Variants in PSD3 observed in about 807,000 individuals in gnomAD.
The protein encoded by PSD3 is PH and SEC7 domain-containing protein 3.
In PSD3, 49 loss-of-function variants were observed where a neutral mutation model predicts 105.5. That is an observed-to-expected ratio of 0.46 (90% CI 0.37 to 0.59). The LOEUF is 0.59. PSD3 is among the 20% of genes least tolerant of loss of function. PSD3 has a pLI of 0.00. For missense variants in PSD3, 1,561 were observed against 1,263.8 expected (o/e 1.24, Z -3.57); for synonymous variants, 557 against 457.8 (o/e 1.22, Z -2.77).
chr8:18,561,783 T>C (rs1801409574), intron 14 of PSD3, among the ~76,000 whole-genome samples: 1 of 152,148 alleles, frequency 6.6e-6, no homozygotes, highest in Admixed American at 6.6e-5. Flanking sequence ...AGCTCTAATG[T>C]CATCTCTATG....
intron 1 of PSD3, among the ~76,000 whole-genome samples, chr8:18,990,757 T>C (rs1457308010): frequency 6.6e-6 from 1 of 152,230 alleles, no homozygotes; most frequent in East Asian, 1.9e-4. Context: ...TATGAATACC[T>C]TCTCCAGAGG....
chr8:18,663,224 C>T (rs1007332303), intron 9 of PSD3, among the ~76,000 whole-genome samples: 13 of 152,126 alleles, frequency 8.5e-5, no homozygotes, highest in Non-Finnish European at 1.0e-4. Flanking sequence ...CCCAGGAGTT[C>T]GAAACCAGCC....
chr8:18,776,245 G>GCTCT (rs762919210), intron 8 of PSD3, among the ~76,000 whole-genome samples: 1 of 142,376 alleles, frequency 7.0e-6, no homozygotes, highest in Non-Finnish European at 1.5e-5. Flanking sequence ...GGTTACCATG[G>GCTCT]CTCTCTCTCT....
chr8:18,617,767 C>T (rs779815343), intron 11 of PSD3, among the ~76,000 whole-genome samples: 9 of 152,024 alleles, frequency 5.9e-5, no homozygotes, highest in Admixed American at 3.9e-4. Flanking sequence ...ATGGAGATCC[C>T]GACACTGACA....
intron 1 of PSD3, chr8:18,940,442 C>G (rs1822460322): frequency 6.6e-6 from 1 of 152,230 alleles, no homozygotes; most frequent in African/African-American, 2.4e-5. Flanking sequence ...AAAGTACGCT[C>G]AGACTATCAC....
chr8:18,881,547 G>A (rs1367731786), intron 2 of PSD3, among the ~76,000 whole-genome samples: 1 of 152,150 alleles, frequency 6.6e-6, no homozygotes, highest in Non-Finnish European at 1.5e-5. Flanking sequence ...CTCGGTCACT[G>A]TAAGCTGAAA....
chr8:18,644,351 C>T (rs1406105996), intron 10 of PSD3, among the ~76,000 whole-genome samples: 2 of 152,236 alleles, frequency 1.3e-5, no homozygotes, highest in African/African-American at 4.8e-5. Flanking sequence ...GCTCCATCAA[C>T]ATTTTGCTTT....
chr8:19,005,739 T>C (rs59211596), intron 1 of PSD3, among the ~76,000 whole-genome samples: 3,405 of 152,062 alleles, frequency 0.022, 140 homozygotes, highest in African/African-American at 0.078. Context: ...TCCTCCTACC[T>C]TGGCTTCCCA....
chr8:18,752,600 T>TTA (rs1563225733), intron 9 of PSD3, among the ~76,000 whole-genome samples: 2 of 82,852 alleles, frequency 2.4e-5, no homozygotes, highest in South Asian at 5.8e-4. Flanking sequence ...ATATTATATA[T>TTA]TATATATAAT....
intron 4 of PSD3, chr8:18,854,045 T>C (rs757914061): frequency 4.6e-5 from 7 of 151,930 alleles, no homozygotes; most frequent in Non-Finnish European, 8.8e-5. Context: ...CAATTATACA[T>C]AATCCAGCAC....
intron 10 of PSD3, among the ~76,000 whole-genome samples, chr8:18,645,353 T>C (rs1807953342): frequency 1.3e-5 from 2 of 152,350 alleles, no homozygotes; most frequent in South Asian, 4.1e-4. Flanking sequence ...TACTTTACTG[T>C]AGAAAACTCT....
At chr8:18,882,152 G>A (rs981188213) in intron 2 of PSD3, among the ~76,000 whole-genome samples, 2 of 152,218 alleles carry the variant, frequency 1.3e-5, no homozygotes, top group Non-Finnish European at 2.9e-5. Context: ...AGGCTGCAGT[G>A]AACTGTGATT....
chr8:19,070,112 A>C (rs901820203), intron 1 of PSD3, among the ~76,000 whole-genome samples: 1 of 151,920 alleles, frequency 6.6e-6, no homozygotes, highest in Non-Finnish European at 1.5e-5. Flanking sequence ...TAGCAGTGTC[A>C]CAAAACAGAC....
chr8:18,658,047 A>G (rs1365707915), intron 9 of PSD3, among the ~76,000 whole-genome samples: 1 of 152,230 alleles, frequency 6.6e-6, no homozygotes, highest in Non-Finnish European at 1.5e-5. Context: ...AATCAGCCAG[A>G]TATCTCATGA....
rs1370950768 is a variant in PSD3 at position 18,801,360 on chromosome 8, G to A, written c.1933C>T (p.Leu645Phe). The A allele has an allele frequency of 6.2e-7, 1 of 1,602,846 alleles. No individual in the cohort carries two copies. Among genetic ancestry groups the A allele is most frequent in the Non-Finnish European group, 8.5e-7 (1 of 1,172,692 alleles). The change falls in exon 7 of 16, where the codon CTT becomes TTT. Residue 645 changes from leucine (L) to phenylalanine (F), a missense_variant. Coordinates refer to ENST00000327040, the MANE Select transcript of PSD3 (RefSeq NM_015310.4). ...SLRYFFKAFS[L>F]VGETQERERV... ...TCTCGTTCTTGAGTTTCTCCCACAAGAGAGAATGCTTTAAAGAAATACCTA... is the reference window on the plus strand; with the variant it reads ...TCTCGTTCTTGAGTTTCTCCCACAAAAGAGAATGCTTTAAAGAAATACCTA...
At chr8:18,979,677 G>T in intron 1 of PSD3, 1 of 170,458 alleles carries the variant, frequency 5.9e-6, no homozygotes, top group Non-Finnish European at 1.3e-5. Flanking sequence ...ACTCACAAGT[G>T]TAGACAGGGT....
chr8:19,018,988 T>G (rs1827269872), intron 1 of PSD3, among the ~76,000 whole-genome samples: 1 of 152,142 alleles, frequency 6.6e-6, no homozygotes, highest in Non-Finnish European at 1.5e-5. Flanking sequence ...GTAGAGATGG[T>G]GTTTCACCAT....
intron 1 of PSD3, among the ~76,000 whole-genome samples, chr8:18,991,373 TACAC>T (rs71545538): frequency 1.8e-4 from 18 of 100,084 alleles, no homozygotes; most frequent in South Asian, 9.9e-4. Flanking sequence ...CACACACACA[TACAC>T]ACACACACAC....
chr8:18,899,994 G>A (rs920979347), intron 2 of PSD3, among the ~76,000 whole-genome samples: 1 of 151,326 alleles, frequency 6.6e-6, no homozygotes, highest in East Asian at 1.9e-4. Context: ...CCAGAAAGGG[G>A]GCACTTTTTT....
Sources: allele counts gnomAD v4.1 joint callset (sites outside exome capture counted in the v4.1 genomes callset), GRCh38; gene constraint gnomAD v4.1.1; transcripts MANE v1.5; gene names NCBI Gene and HGNC (gene_info 2026-07-23, HGNC 2026-07-21).